C1orf159: variants seen among roughly 807,000 people sequenced by gnomAD.
The protein encoded by C1orf159 is uncharacterized protein C1orf159.
C1orf159 carries 19 observed loss-of-function variants against 25.6 expected under a neutral mutation model. The observed-to-expected ratio is 0.74, with a 90% CI of 0.52 to 1.09. C1orf159 has a LOEUF of 1.09. Among genes scored for constraint, C1orf159 ranks in the 50% least tolerant of loss-of-function variants. C1orf159 has a pLI of 0.00. For missense variants in C1orf159, 274 were observed against 290.6 expected, an observed-to-expected ratio of 0.94 and a Z score of 0.42; for synonymous variants, 139 against 124.7, an observed-to-expected ratio of 1.12 and a Z score of -0.77.
intron 9 of C1orf159, chr1:1,083,877 C>A (rs1645783681): frequency 1.3e-6 from 2 of 1,528,012 alleles, no homozygotes; most frequent in Non-Finnish European, 8.9e-7. Flanking sequence ...GGTCACTCAG[C>A]CTGTGTCTGT....
intron 1 of C1orf159, among the ~76,000 whole-genome samples, chr1:1,095,778 CA>C: frequency 6.6e-6 from 1 of 152,276 alleles, no homozygotes; most frequent in South Asian, 2.1e-4. Flanking sequence ...ATTTCGCCAT[CA>C]AAAGTACAAC....
Position 1,109,947 on chromosome 1 carries a change from C to T in C1orf159, c.-136+6113G>A, listed in dbSNP as rs553873029. Among the ~76,000 whole-genome samples, 95 of 152,198 alleles carry T rather than the reference C, an allele frequency of 6.2e-4. 1 individual carries two copies. Among genetic ancestry groups the T allele is most frequent in the Non-Finnish European group, 1.2e-3 (83 of 68,030 alleles). Reference sequence around the variant, plus strand: ...ATGGAAAGTGACGCTGTAGTTATGGCCGTGAAATGGGGGGTCAGTTAGTGC... The same window carrying T: ...ATGGAAAGTGACGCTGTAGTTATGGTCGTGAAATGGGGGGTCAGTTAGTGC... On this transcript the variant is annotated intron_variant, in intron 1 of 9. Coordinates refer to ENST00000421241, the MANE Select transcript of C1orf159 (RefSeq NM_017891.5).
At chr1:1,085,849 C>T (rs376171923) in intron 7 of C1orf159, 29 bp downstream of exon 7, 467 of 1,611,650 alleles carry the variant, frequency 2.9e-4, no homozygotes, top group Non-Finnish European at 3.6e-4. Flanking sequence ...TGTGCCCTCC[C>T]GTGGGGCAGG....
At chr1:1,090,274 C>T in intron 4 of C1orf159, 79 bp downstream of exon 4, 3 of 1,403,788 alleles carry the variant, frequency 2.1e-6, no homozygotes, top group Non-Finnish European at 3.0e-6. Context: ...GTCCTTGTCA[C>T]CGAGGGGAGG....
intron 1 of C1orf159, among the ~76,000 whole-genome samples, chr1:1,103,446 A>C (rs1646130308): frequency 6.6e-6 from 1 of 152,232 alleles, no homozygotes; most frequent in Non-Finnish European, 1.5e-5. Flanking sequence ...GAATTCTGTG[A>C]TATTCCTCTG....
intron 1 of C1orf159, among the ~76,000 whole-genome samples, chr1:1,101,057 T>C (rs956440794): frequency 6.6e-6 from 1 of 152,270 alleles, no homozygotes; most frequent in Non-Finnish European, 1.5e-5. Flanking sequence ...GGTAGCACAA[T>C]TTGATGGTGA....
intron 1 of C1orf159, among the ~76,000 whole-genome samples, chr1:1,099,412 A>C (rs1017333597): frequency 6.6e-6 from 1 of 151,790 alleles, no homozygotes; most frequent in Non-Finnish European, 1.5e-5. Context: ...AGAGAGGTTA[A>C]AATCTCCGAC....
At chr1:1,098,046 T>C (rs1438137346) in intron 1 of C1orf159, among the ~76,000 whole-genome samples, 4 of 152,126 alleles carry the variant, frequency 2.6e-5, no homozygotes, top group African/African-American at 9.7e-5. Flanking sequence ...TTTTTCTTCT[T>C]CTGTTATTTT....
At chr1:1,100,755 A>G (rs1285576833) in intron 1 of C1orf159, among the ~76,000 whole-genome samples, 1 of 151,680 alleles carries the variant, frequency 6.6e-6, no homozygotes, top group East Asian at 1.9e-4. Flanking sequence ...GCTTCTTTCC[A>G]TTATTCTCAT....
At chr1:1,105,369 G>A (rs1019933340) in intron 1 of C1orf159, among the ~76,000 whole-genome samples, 32 of 151,942 alleles carry the variant, frequency 2.1e-4, no homozygotes, top group African/African-American at 7.0e-4. Context: ...TCAGCCAGGC[G>A]TGATGGCACA....
chr1:1,101,111 A>G (rs1646093929), intron 1 of C1orf159, among the ~76,000 whole-genome samples: 1 of 152,162 alleles, frequency 6.6e-6, no homozygotes, highest in South Asian at 2.1e-4. Context: ...TTTTCATGTA[A>G]TGTTTATTCT....
In C1orf159 at chr1:1,087,222, T is replaced by C. The variant is rs768889739; in HGVS notation, c.245-18A>G. The C allele has an allele frequency of 6.2e-6, 10 of 1,600,090 alleles. No individual in the cohort carries two copies. The highest frequency in any genetic ancestry group is 3.4e-5 in the Admixed American group (2 of 58,880). On this transcript the variant is annotated intron_variant, in intron 5 of 9. Coordinates refer to ENST00000421241, the MANE Select transcript of C1orf159 (RefSeq NM_017891.5). This position sits in a 1 kb window ranked among gnomAD's most constrained non-coding sequence, Gnocchi z 8.3. ...GCCAGCAACTGTGGGATAGCAGAAC[T>C]GTGGGAAGCCTGTGTGCACGGAGCC...
chr1:1,098,206 A>C (rs906252101), intron 1 of C1orf159, among the ~76,000 whole-genome samples: 6 of 151,944 alleles, frequency 3.9e-5, no homozygotes, highest in Non-Finnish European at 7.4e-5. Context: ...AGTAGCTGGG[A>C]TTACAGGTGT....
intron 3 of C1orf159, 188 bp from the exon 4 acceptor site, chr1:1,090,616 C>T: frequency 1.4e-6 from 1 of 697,822 alleles, no homozygotes; most frequent in Non-Finnish European, 2.4e-6. Context: ...CTCACAGCCA[C>T]AGTGCACATC....
intron 1 of C1orf159, among the ~76,000 whole-genome samples, chr1:1,114,830 C>A (rs1471934022): frequency 1.3e-5 from 2 of 151,392 alleles, no homozygotes; most frequent in African/African-American, 4.9e-5. Context: ...AACAGGAAGA[C>A]GCCTAAGAAC....
rs1055198636 is a variant in C1orf159 at position 1,110,127 on chromosome 1, G to A, written c.-136+5933C>T. Reference sequence around the variant, plus strand: ...CGGCCTTAGGTCCTGATTATAACTCGGCGTCTTATTGCCGCAGAGTCTGTC... The same window carrying A: ...CGGCCTTAGGTCCTGATTATAACTCAGCGTCTTATTGCCGCAGAGTCTGTC... On this transcript the variant is annotated intron_variant, in intron 1 of 9. Coordinates refer to ENST00000421241, the MANE Select transcript of C1orf159 (RefSeq NM_017891.5). This position sits in a 1 kb window ranked among gnomAD's most constrained non-coding sequence, Gnocchi z 4.8. 1.1e-4 allele frequency among the ~76,000 whole-genome samples: 17 copies of A among 152,152 alleles called. No homozygotes were observed. The highest frequency in any genetic ancestry group is 1.8e-4 in the Non-Finnish European group (12 of 68,026).
intron 4 of C1orf159, among the ~76,000 whole-genome samples, chr1:1,088,469 C>T (rs1645871819): frequency 6.7e-6 from 1 of 149,096 alleles, no homozygotes; most frequent in Non-Finnish European, 1.5e-5. Flanking sequence ...CTGATCCCGA[C>T]CCTTGGTCCA....
chr1:1,097,910 T>C lies in C1orf159; in HGVS notation c.-135-5807A>G, dbSNP rs535810292. Among the ~76,000 whole-genome samples, 80 of 152,288 alleles carry C rather than the reference T, an allele frequency of 5.3e-4. No homozygotes were observed. The South Asian group carries it at 0.013, about 26-fold the overall frequency. On this transcript the variant is annotated intron_variant, in intron 1 of 9. Coordinates refer to ENST00000421241, the MANE Select transcript of C1orf159 (RefSeq NM_017891.5). ...GCTTTGTTCTTTTTTCCCTGGCTTC[T>C]GGGAGTGAATCTTAGGTCTCTGCTT...
At chr1:1,094,112 G>A (rs573088186) in intron 1 of C1orf159, among the ~76,000 whole-genome samples, 9 of 151,444 alleles carry the variant, frequency 5.9e-5, no homozygotes, top group Non-Finnish European at 8.8e-5. Context: ...TGGCAGGGGT[G>A]GGGGGCATAG....
Sources: gnomAD v4.1 joint callset for allele counts (sites outside exome capture counted in the v4.1 genomes callset) on GRCh38, gnomAD v4.1.1 for gene constraint, Gnocchi (gnomAD v3.1) non-coding constraint, MANE v1.5 for transcripts, NCBI Gene and HGNC (gene_info 2026-07-23, HGNC 2026-07-21) for gene names.